Variants in PTK2 observed in about 807,000 individuals in gnomAD.
The protein encoded by PTK2 is focal adhesion kinase 1.
A neutral mutation model predicts 150.1 loss-of-function variants in PTK2; 45 were observed. That is an observed-to-expected ratio of 0.30 (90% confidence interval 0.24 to 0.38). The LOEUF (loss-of-function observed/expected upper bound fraction) is 0.38, where lower values mean the gene tolerates loss of function less well. PTK2 is among the 10% of genes least tolerant of loss of function. The pLI is 1.00. For missense variants in PTK2, 919 were observed against 1,307.3 expected (o/e 0.70, Z 4.58); for synonymous variants, 432 against 449.2 (o/e 0.96, Z 0.48).
At chr8:140,686,597 C>A (rs762006575) in intron 27 of PTK2, 35 bp downstream of exon 30, 1 of 1,569,788 alleles carries the variant, frequency 6.4e-7, no homozygotes, top group East Asian at 2.2e-5. Context: ...CACAGGAGAA[C>A]TGGAAATCAA....
chr8:140,769,486 C>T (rs1001717389), intron 14 of PTK2, 89 bp downstream of exon 16: 3 of 903,412 alleles, frequency 3.3e-6, no homozygotes, highest in African/African-American at 3.5e-5. Flanking sequence ...ATCAAAAGCA[C>T]ATTTTGCCTT....
chr8:140,755,258 A>C (rs564170622), intron 16 of PTK2, among the ~76,000 whole-genome samples: 1 of 152,180 alleles, frequency 6.6e-6, no homozygotes, highest in East Asian at 1.9e-4. Context: ...TTGCCTAATA[A>C]AGAAAAAAAT....
At chr8:140,879,965 C>T (rs1386223685) in intron 3 of PTK2, among the ~76,000 whole-genome samples, 1 of 152,118 alleles carries the variant, frequency 6.6e-6, no homozygotes, top group Non-Finnish European at 1.5e-5. Context: ...TGTCATCACC[C>T]CCCAACCTGT....
At chr8:140,912,337 TA>T (rs924069054) in intron 2 of PTK2, among the ~76,000 whole-genome samples, 1 of 150,848 alleles carries the variant, frequency 6.6e-6, no homozygotes, top group East Asian at 1.9e-4. Flanking sequence ...GTTTTAACAT[TA>T]AAAAAAAATT....
intron 14 of PTK2, among the ~76,000 whole-genome samples, chr8:140,767,791 T>C (rs557709664): frequency 7.2e-5 from 11 of 152,300 alleles, no homozygotes; most frequent in South Asian, 4.1e-4. Context: ...ATTCTTGACA[T>C]TGATTTGGCT....
chr8:140,940,918 T>C (rs1269324361), intron 1 of PTK2, among the ~76,000 whole-genome samples: 1 of 152,050 alleles, frequency 6.6e-6, no homozygotes, highest in Non-Finnish European at 1.5e-5. Context: ...TGCAGTGAGC[T>C]GAGACCACAC....
chr8:140,665,657 T>G (rs915999534), intron 30 of PTK2, among the ~76,000 whole-genome samples: 1 of 152,228 alleles, frequency 6.6e-6, no homozygotes, highest in African/African-American at 2.4e-5. Flanking sequence ...ATGTAATGAC[T>G]AAGACATCAA....
chr8:140,761,022 C>A, intron 16 of PTK2, 143 bp downstream of exon 19: 1 of 597,956 alleles, frequency 1.7e-6, no homozygotes, highest in Non-Finnish European at 2.9e-6. Context: ...CAAGTATAAG[C>A]TGACATTTAT....
At chr8:140,869,138 A>G (rs1309256124) in intron 4 of PTK2, among the ~76,000 whole-genome samples, 1 of 115,294 alleles carries the variant, frequency 8.7e-6, no homozygotes, top group African/African-American at 3.4e-5. Flanking sequence ...ACCCATACAC[A>G]CACAAAACCA....
At chr8:140,796,419 C>A (rs1365443303) in intron 12 of PTK2, among the ~76,000 whole-genome samples, 2 of 152,164 alleles carry the variant, frequency 1.3e-5, no homozygotes, top group African/African-American at 4.8e-5. Context: ...CCACCTCCCA[C>A]CACCAGCACC....
intron 22 of PTK2, among the ~76,000 whole-genome samples, chr8:140,725,594 G>A (rs376076799): frequency 3.3e-5 from 5 of 152,128 alleles, no homozygotes; most frequent in East Asian, 1.9e-4. Flanking sequence ...AAAGGTAATC[G>A]GAAAAAAGTG....
At chr8:140,908,478 A>C (rs1430590335) in intron 2 of PTK2, among the ~76,000 whole-genome samples, 1 of 152,274 alleles carries the variant, frequency 6.6e-6, no homozygotes, top group Non-Finnish European at 1.5e-5. Flanking sequence ...AGAGTCTTTT[A>C]TTAGAAGATG....
chr8:140,798,614 C>T (rs1414842169), intron 12 of PTK2, among the ~76,000 whole-genome samples: 1 of 152,130 alleles, frequency 6.6e-6, no homozygotes, highest in African/African-American at 2.4e-5. Context: ...ACGTTTTAAA[C>T]ATGGAAGGCT....
intron 22 of PTK2, among the ~76,000 whole-genome samples, chr8:140,720,796 T>C (rs1329371106): frequency 1.3e-5 from 2 of 152,206 alleles, no homozygotes; most frequent in Non-Finnish European, 2.9e-5. Flanking sequence ...CTCTGTTGCA[T>C]AGGCTGAAGT....
intron 21 of PTK2, among the ~76,000 whole-genome samples, chr8:140,738,458 C>T (rs2100053810): frequency 6.6e-6 from 1 of 152,094 alleles, no homozygotes; most frequent in Non-Finnish European, 1.5e-5. Flanking sequence ...ACTGCAATAA[C>T]CATAGAGCAG....
At chr8:140,910,734 G>C (rs564580505) in intron 2 of PTK2, among the ~76,000 whole-genome samples, 2 of 152,258 alleles carry the variant, frequency 1.3e-5, no homozygotes, top group East Asian at 3.9e-4. Flanking sequence ...GTCACATGAA[G>C]TGACTGGACA....
intron 3 of PTK2, among the ~76,000 whole-genome samples, chr8:140,881,555 CTT>C (rs1308140903): frequency 6.6e-6 from 1 of 152,246 alleles, no homozygotes; most frequent in African/African-American, 2.4e-5. Flanking sequence ...GCGGCTCTCT[CTT>C]GTTAGAGCTG....
intron 1 of PTK2, among the ~76,000 whole-genome samples, chr8:140,999,756 G>T (rs1224514873): frequency 1.3e-5 from 2 of 152,070 alleles, no homozygotes; most frequent in Non-Finnish European, 2.9e-5. Context: ...AAATATTAAG[G>T]TTGAGGCTCT....
At chr8:140,952,287 G>A (rs1420317224) in intron 1 of PTK2, among the ~76,000 whole-genome samples, 1 of 152,150 alleles carries the variant, frequency 6.6e-6, no homozygotes, top group Non-Finnish European at 1.5e-5. Flanking sequence ...ACTGTTATAG[G>A]AAGAAAGGTA....
Sources: gnomAD v4.1 joint callset for allele counts (sites outside exome capture counted in the v4.1 genomes callset) on GRCh38, gnomAD v4.1.1 for gene constraint, MANE v1.5 for transcripts, NCBI Gene and HGNC (gene_info 2026-07-23, HGNC 2026-07-21) for gene names.